Variants in POLK observed in about 807,000 individuals in gnomAD.
POLK encodes the protein DNA polymerase kappa, also known as polymerase (DNA directed) kappa.
In POLK, 76 loss-of-function variants were observed where a neutral mutation model predicts 94.0. The observed-to-expected ratio is 0.81, with a 90% CI of 0.67 to 0.98. The LOEUF is 0.98. POLK is among the 50% of genes least tolerant of loss of function. The pLI is 0.00. For synonymous variants in POLK, 349 were observed against 325.4 expected, an observed-to-expected ratio of 1.07 and a Z score of -0.78; for missense variants, 954 against 1,010.1, an observed-to-expected ratio of 0.94 and a Z score of 0.75.
chr5:75,589,525 A>G (rs1287934550), intron 10 of POLK, among the ~76,000 whole-genome samples: 1 of 151,334 alleles, frequency 6.6e-6, no homozygotes. Flanking sequence ...ATCTCGGTTC[A>G]CTGCAAGCTC....
chr5:75,558,761 T>C (rs967913477), intron 3 of POLK, among the ~76,000 whole-genome samples: 2 of 152,200 alleles, frequency 1.3e-5, no homozygotes, highest in African/African-American at 4.8e-5. Context: ...TATTTTAAAA[T>C]TGATATTAAT....
intron 3 of POLK, among the ~76,000 whole-genome samples, chr5:75,561,329 C>A (rs1025117164): frequency 6.6e-6 from 1 of 152,110 alleles, no homozygotes; most frequent in Non-Finnish European, 1.5e-5. Context: ...TCTTCATATC[C>A]TTTGCCTGCT....
chr5:75,569,588 G>A (rs1771478812), intron 4 of POLK, 96 bp downstream of exon 4: 2 of 1,049,570 alleles, frequency 1.9e-6, no homozygotes, highest in African/African-American at 3.2e-5. Context: ...AGGTCTACCA[G>A]TTTGCTGAGT....
chr5:75,552,115 A>ATAACT lies in POLK; in HGVS notation c.136-356_136-352dup, dbSNP rs551782053. ...AAGGAGTATTTTTTTAATGCAATAG[A>ATAACT]TAACTGATGATCCAACCCACTAAGG... is the stretch of plus-strand genomic sequence containing the variant. On this transcript the variant is annotated intron_variant, in intron 2 of 14. Transcript: ENST00000241436. Among the ~76,000 whole-genome samples, 10 of 152,316 alleles carry ATAACT rather than the reference A, an allele frequency of 6.6e-5. No individual in the cohort carries two copies. In the East Asian group the frequency reaches 1.9e-3, roughly 29 times the overall value.
rs1281479373 is a variant in POLK, at chr5:75,538,046, C to T, written c.-13-8964C>T. On this transcript the variant is annotated intron_variant, in intron 1 of 14. Transcript: ENST00000241436. ...TAATTTTTTGTAGTTTTAGTAGAGA[C>T]GGGGTTTCACCATGTTAGCCAGGAT... Among the ~76,000 whole-genome samples, 5 of 151,958 alleles carry T rather than the reference C, an allele frequency of 3.3e-5. No individual in the cohort carries two copies. The East Asian group carries it at 5.8e-4, about 18-fold the overall frequency.
intron 3 of POLK, among the ~76,000 whole-genome samples, chr5:75,562,407 G>T (rs566787846): frequency 6.6e-6 from 1 of 152,232 alleles, no homozygotes; most frequent in Non-Finnish European, 1.5e-5. Flanking sequence ...AGGAGTTTTT[G>T]GGCTGAGACA....
At chr5:75,543,064 G>A (rs9293654) in intron 1 of POLK, among the ~76,000 whole-genome samples, 18,567 of 143,774 alleles carry the variant, frequency 0.13, 1,272 homozygotes, top group East Asian at 0.23. Flanking sequence ...TTTTTGAGAC[G>A]GAGTCCCATT....
At chr5:75,588,654 T>C (rs561893271) in intron 10 of POLK, among the ~76,000 whole-genome samples, 2 of 152,268 alleles carry the variant, frequency 1.3e-5, no homozygotes, top group East Asian at 3.9e-4. Context: ...ACAAAACAAA[T>C]TTATTCTCTA....
chr5:75,546,197 G>T (rs145309472), intron 1 of POLK, among the ~76,000 whole-genome samples: 74 of 152,232 alleles, frequency 4.9e-4, no homozygotes, highest in African/African-American at 1.6e-3. Flanking sequence ...TATGTATTTT[G>T]TATGTTATAT....
At chr5:75,577,794 A>T (rs1771974907) in intron 6 of POLK, among the ~76,000 whole-genome samples, 1 of 152,216 alleles carries the variant, frequency 6.6e-6, no homozygotes, top group Admixed American at 6.5e-5. Context: ...ACATCATTTG[A>T]TGCAAGTTTA....
At chr5:75,511,203 G>A, upstream of POLK, 2 of 1,613,098 alleles carry the variant, frequency 1.2e-6, no homozygotes, top group Non-Finnish European at 1.7e-6. Flanking sequence ...CTGATTATCC[G>A]ACATGGAGGC....
rs5744714 is a variant in POLK at position 75,596,952 on chromosome 5, C to T, written c.2259C>T (p.Asn753=). 2.5e-3 allele frequency: 4,078 copies of T among 1,613,412 alleles called. 78 individuals are homozygous for T. In the African/African-American group the frequency reaches 0.045, roughly 18 times the overall value. ...CTTCTTCTACTGTTTCATTGGAAAA[C>T]GAAGATGTTGGATCATTTAGACAAG... Residue 753 remains asparagine (N), a synonymous_variant, in exon 13 of 15, where the codon AAC becomes AAT. Coordinates refer to ENST00000241436, the Ensembl canonical transcript of POLK.
chr5:75,552,987 A>C (rs190375903), intron 3 of POLK, among the ~76,000 whole-genome samples: 1 of 152,270 alleles, frequency 6.6e-6, no homozygotes, highest in East Asian at 1.9e-4. Context: ...TTGCAAAAAA[A>C]ATTTGAGGAA....
chr5:75,522,270 G>A (rs1580912989), intron 1 of POLK, among the ~76,000 whole-genome samples: 1 of 152,314 alleles, frequency 6.6e-6, no homozygotes, highest in East Asian at 1.9e-4. Flanking sequence ...GTTGTGGGGA[G>A]GGGTGTCATA....
intron 8 of POLK, among the ~76,000 whole-genome samples, chr5:75,583,997 C>T (rs1772332992): frequency 1.3e-5 from 2 of 152,086 alleles, no homozygotes; most frequent in Non-Finnish European, 2.9e-5. Flanking sequence ...ACATAATGTA[C>T]ATGAATGAAT....
intron 1 of POLK, among the ~76,000 whole-genome samples, chr5:75,516,951 T>G (rs1184822279): frequency 6.6e-6 from 1 of 152,222 alleles, no homozygotes; most frequent in Non-Finnish European, 1.5e-5. Flanking sequence ...ATTACTTGGT[T>G]GTAAATGTGT....
intron 3 of POLK, 80 bp downstream of exon 3, chr5:75,552,671 G>A: frequency 7.8e-7 from 1 of 1,283,178 alleles, no homozygotes; most frequent in Admixed American, 2.3e-5. Context: ...AGTCATAACT[G>A]AAAACAAGAT....
intron 4 of POLK, among the ~76,000 whole-genome samples, chr5:75,573,129 A>G (rs1379903711): frequency 1.3e-5 from 2 of 152,126 alleles, no homozygotes; most frequent in African/African-American, 4.8e-5. Context: ...TCCAACAATG[A>G]TAGACTGGAT....
At chr5:75,517,431 TAAATC>T (rs1443235047) in intron 1 of POLK, among the ~76,000 whole-genome samples, 1 of 152,128 alleles carries the variant, frequency 6.6e-6, no homozygotes, top group African/African-American at 2.4e-5. Flanking sequence ...ACATGAAAAA[TAAATC>T]AAGAAAGCAA....
Sources: allele counts gnomAD v4.1 joint callset (sites outside exome capture counted in the v4.1 genomes callset), GRCh38; gene constraint gnomAD v4.1.1; transcripts MANE v1.5; gene names NCBI Gene and HGNC (gene_info 2026-07-23, HGNC 2026-07-21).